The following LARGE1 variants were observed in gnomAD, a reference collection of about 807,000 sequenced individuals.
LARGE1 encodes xylosyl- and glucuronyltransferase LARGE1.
A neutral mutation model predicts 87.6 loss-of-function variants in LARGE1; 43 were observed. That is an observed-to-expected ratio of 0.49 (90% CI 0.38 to 0.63). The LOEUF (loss-of-function observed/expected upper bound fraction) is 0.63, where lower values mean the gene tolerates loss of function less well. Ranked by LOEUF, LARGE1 falls within the 30% of genes least tolerant of loss-of-function variation. The pLI is 0.00. For missense variants in LARGE1, 802 were observed against 1,000.2 expected (o/e 0.80, Z 2.67); for synonymous variants, 434 against 394.6 (o/e 1.10, Z -1.18).
intron 1 of LARGE1, among the ~76,000 whole-genome samples, chr22:33,861,393 CACACACAA>C (rs1440844263): frequency 6.6e-6 from 1 of 151,834 alleles, no homozygotes; most frequent in African/African-American, 2.4e-5. Flanking sequence ...CACCTACACA[CACACACAA>C]ACACACACAC....
chr22:33,723,532 A>T (rs1210617530), intron 2 of LARGE1, among the ~76,000 whole-genome samples: 3 of 152,248 alleles, frequency 2.0e-5, no homozygotes, highest in Non-Finnish European at 4.4e-5. Context: ...CCTTACACAC[A>T]GACACACACA....
intron 11 of LARGE1, among the ~76,000 whole-genome samples, chr22:33,305,358 T>TAAAAAAAAAAAAAAAAAAA (rs60727771): frequency 1.0e-5 from 1 of 98,620 alleles, no homozygotes; most frequent in Admixed American, 1.1e-4. Context: ...GGGAAAAAAT[T>TAAAAAAAAAAAAAAAAAAA]AAAAAAAAAA....
At chr22:33,602,556 C>G (rs1472111159) in intron 5 of LARGE1, among the ~76,000 whole-genome samples, 1 of 151,956 alleles carries the variant, frequency 6.6e-6, no homozygotes, top group East Asian at 1.9e-4. Flanking sequence ...TTTGTAGAGA[C>G]ACGCATCTCA....
chr22:33,257,127 C>T (rs554381650), intron 11 of LARGE1, among the ~76,000 whole-genome samples: 6 of 152,278 alleles, frequency 3.9e-5, no homozygotes, highest in Admixed American at 1.3e-4. Flanking sequence ...ATCGATTGAA[C>T]CCAGGAAGTG....
intron 11 of LARGE1, among the ~76,000 whole-genome samples, chr22:33,260,541 G>A (rs750735167): frequency 6.6e-5 from 10 of 151,250 alleles, no homozygotes; most frequent in Non-Finnish European, 1.3e-4. Flanking sequence ...GGATCACAGC[G>A]TCTATTTCAT....
At chr22:33,773,829 C>T (rs1043623840) in intron 1 of LARGE1, among the ~76,000 whole-genome samples, 3 of 133,958 alleles carry the variant, frequency 2.2e-5, no homozygotes, top group Non-Finnish European at 3.3e-5. Context: ...ATCCAAAATA[C>T]GATTATCAAA....
At chr22:33,472,448 T>A (rs377203264) in intron 6 of LARGE1, among the ~76,000 whole-genome samples, 1 of 152,172 alleles carries the variant, frequency 6.6e-6, no homozygotes, top group African/African-American at 2.4e-5. Flanking sequence ...TGGTTTCCAA[T>A]GAGAGCAGGA....
intron 6 of LARGE1, among the ~76,000 whole-genome samples, chr22:33,514,610 A>G (rs536568257): frequency 6.6e-6 from 1 of 152,128 alleles, no homozygotes; most frequent in South Asian, 2.1e-4. Context: ...TGTAAATACA[A>G]CCCCATTTAA....
At chr22:33,510,481 C>T (rs1180633145) in intron 6 of LARGE1, among the ~76,000 whole-genome samples, 2 of 152,216 alleles carry the variant, frequency 1.3e-5, no homozygotes, top group Non-Finnish European at 2.9e-5. Context: ...CTAATGACTG[C>T]TATACTCTAT....
chr22:33,607,228 G>A (rs567599969), intron 4 of LARGE1, among the ~76,000 whole-genome samples: 8 of 152,182 alleles, frequency 5.3e-5, no homozygotes, highest in South Asian at 2.1e-4. Flanking sequence ...TTGGGAGGCC[G>A]AGGTGGGCGG....
chr22:33,660,817 T>C (rs1401231449), intron 2 of LARGE1, among the ~76,000 whole-genome samples: 1 of 152,218 alleles, frequency 6.6e-6, no homozygotes, highest in East Asian at 1.9e-4. Flanking sequence ...ATTTTCTCTT[T>C]AGCAGCACTC....
chr22:33,438,292 A>C (rs5998942), intron 6 of LARGE1, among the ~76,000 whole-genome samples: 1 of 152,164 alleles, frequency 6.6e-6, no homozygotes, highest in African/African-American at 2.4e-5. Context: ...TGGCTTGCTC[A>C]GCATTCTGCA....
intron 1 of LARGE1, among the ~76,000 whole-genome samples, chr22:33,868,257 C>A (rs529991474): frequency 2.0e-5 from 3 of 152,128 alleles, no homozygotes; most frequent in Non-Finnish European, 4.4e-5. Context: ...CTACCACAGC[C>A]GGCCTCGTCG....
intron 1 of LARGE1, among the ~76,000 whole-genome samples, chr22:33,845,649 G>A (rs991381051): frequency 3.9e-5 from 6 of 152,044 alleles, no homozygotes; most frequent in Admixed American, 3.3e-4. Flanking sequence ...AAATGGCTAA[G>A]AAATAGACTA....
chr22:33,628,297 T>C (rs549256690), intron 3 of LARGE1, among the ~76,000 whole-genome samples: 2 of 149,440 alleles, frequency 1.3e-5, no homozygotes, highest in African/African-American at 4.9e-5. Flanking sequence ...GGGATTTGAA[T>C]TCTGAAACAG....
At chr22:33,481,220 T>TACACACACACACACAC (rs71785834) in intron 6 of LARGE1, among the ~76,000 whole-genome samples, 3 of 146,620 alleles carry the variant, frequency 2.0e-5, no homozygotes, top group African/African-American at 7.5e-5. Flanking sequence ...GCACTATAGA[T>TACACACACACACACAC]ACACACACAC....
At chr22:33,824,369 G>A (rs534254734) in intron 1 of LARGE1, among the ~76,000 whole-genome samples, 2 of 152,282 alleles carry the variant, frequency 1.3e-5, no homozygotes, top group South Asian at 2.1e-4. Flanking sequence ...TTCACATGGT[G>A]GAAGGAGAAA....
intron 6 of LARGE1, among the ~76,000 whole-genome samples, chr22:33,540,912 T>C (rs1186253014): frequency 6.6e-6 from 1 of 151,408 alleles, no homozygotes; most frequent in African/African-American, 2.4e-5. Context: ...GGTAGGCGGA[T>C]TGCTTGAGCA....
chr22:33,825,286 G>A (rs1280381100), intron 1 of LARGE1, among the ~76,000 whole-genome samples: 3 of 151,894 alleles, frequency 2.0e-5, no homozygotes, highest in African/African-American at 7.3e-5. Context: ...CCCAAATATG[G>A]GATGGGGTAT....
Sources: gnomAD v4.1 joint callset for allele counts (sites outside exome capture counted in the v4.1 genomes callset) on GRCh38, gnomAD v4.1.1 for gene constraint, MANE v1.5 for transcripts, NCBI Gene and HGNC (gene_info 2026-07-23, HGNC 2026-07-21) for gene names.